Variants in IL15 observed in about 807,000 individuals in gnomAD.
IL15 encodes the protein interleukin 15.
IL15 carries 11 observed loss-of-function variants against 19.6 expected under a neutral mutation model. The ratio of observed to expected loss-of-function variants is 0.56; its 90% CI spans 0.35 to 0.93. The LOEUF (loss-of-function observed/expected upper bound fraction) is 0.93. Among genes scored for constraint, IL15 ranks in the 40% least tolerant of loss-of-function variants. IL15 has a pLI of 0.01. For missense variants in IL15, 197 were observed against 186.5 expected, an observed-to-expected ratio of 1.06 and a Z score of -0.33; for synonymous variants, 58 against 59.6, an observed-to-expected ratio of 0.97 and a Z score of 0.12.
intron 1 of IL15, among the ~76,000 whole-genome samples, chr4:141,653,616 G>T (rs1463088007): frequency 6.6e-6 from 1 of 151,716 alleles, no homozygotes; most frequent in Non-Finnish European, 1.5e-5. Context: ...ATACACCTTG[G>T]ATATATGTTC....
chr4:141,676,668 G>C (rs1361785419), intron 2 of IL15, among the ~76,000 whole-genome samples: 1 of 151,972 alleles, frequency 6.6e-6, no homozygotes, highest in Non-Finnish European at 1.5e-5. Flanking sequence ...TTAGCCCAAA[G>C]CAATAAATTC....
At chr4:141,700,539 C>T (rs1729250582) in intron 2 of IL15, among the ~76,000 whole-genome samples, 2 of 152,102 alleles carry the variant, frequency 1.3e-5, no homozygotes, top group African/African-American at 4.8e-5. Context: ...ATGCTTTTTT[C>T]TCACAGTTCT....
At chr4:141,653,922 T>C (rs1358519163) in intron 1 of IL15, among the ~76,000 whole-genome samples, 1 of 152,194 alleles carries the variant, frequency 6.6e-6, no homozygotes, top group East Asian at 1.9e-4. Flanking sequence ...CTCTGGGTAT[T>C]TGTTGATGTT....
intron 2 of IL15, among the ~76,000 whole-genome samples, chr4:141,708,484 A>G (rs1284861520): frequency 6.6e-6 from 1 of 152,184 alleles, no homozygotes; most frequent in Non-Finnish European, 1.5e-5. Flanking sequence ...GCAGCTGTAC[A>G]AACTTCTGGC....
intron 2 of IL15, among the ~76,000 whole-genome samples, chr4:141,672,707 G>A (rs965889729): frequency 3.9e-5 from 6 of 152,240 alleles, no homozygotes; most frequent in African/African-American, 4.8e-5. Context: ...CTTTAAATAC[G>A]TAAAAGCATT....
rs1033681805 is a variant in IL15, at chr4:141,732,641, C to T, written c.379-97C>T. Reference sequence around the variant, plus strand: ...CTAAAGCTTTCATATCTCAAGACCTCACCATATGGTTCAAACGATATGATA... The same window carrying T: ...CTAAAGCTTTCATATCTCAAGACCTTACCATATGGTTCAAACGATATGATA... On this transcript the variant is annotated intron_variant, in intron 7 of 7. Transcript: ENST00000320650. The T allele has an allele frequency of 1.6e-5, 23 of 1,483,416 alleles. No individual in the cohort carries two copies. The Admixed American group carries it at 2.1e-4, about 14-fold the overall frequency. The allele number at this position is 1,483,416 out of a possible 1,614,324, so 91.9% of individuals were successfully genotyped here.
intron 2 of IL15, among the ~76,000 whole-genome samples, chr4:141,692,877 A>AC (rs1325816348): frequency 6.6e-6 from 1 of 151,918 alleles, no homozygotes; most frequent in Non-Finnish European, 1.5e-5. Flanking sequence ...AGTCACTTCC[A>AC]CATTTTCAAA....
At chr4:141,728,953 T>A (rs1730360500) in intron 6 of IL15, among the ~76,000 whole-genome samples, 1 of 152,142 alleles carries the variant, frequency 6.6e-6, no homozygotes, top group South Asian at 2.1e-4. Context: ...AGATTTTAGA[T>A]TTTAGAAGTT....
chr4:141,729,834 CT>C lies in IL15; in HGVS notation c.241-9del. ...AGAAAAAAGTAATTGTTCTTTATAACTTTTATTTTTAGCCCAGTTGCAAAGT... is the reference window on the plus strand; with the variant it reads ...AGAAAAAAGTAATTGTTCTTTATAACTTTATTTTTAGCCCAGTTGCAAAGT... On this transcript the variant is annotated splice_polypyrimidine_tract_variant and intron_variant, in intron 6 of 7. Transcript: ENST00000320650. 1 of 1,459,056 alleles carries C rather than the reference CT, an allele frequency of 6.9e-7. No homozygotes were observed. Among genetic ancestry groups the C allele is most frequent in the South Asian group, 1.2e-5 (1 of 83,902 alleles). The allele number at this position is 1,459,056 out of a possible 1,614,324, so 90.4% of individuals were successfully genotyped here.
intron 2 of IL15, among the ~76,000 whole-genome samples, chr4:141,703,127 G>A (rs916786735): frequency 2.0e-5 from 3 of 152,164 alleles, no homozygotes; most frequent in Non-Finnish European, 4.4e-5. Flanking sequence ...ACCAGGTTTA[G>A]GTCCACATAA....
chr4:141,684,884 T>C (rs1218687844), intron 2 of IL15, among the ~76,000 whole-genome samples: 1 of 152,202 alleles, frequency 6.6e-6, no homozygotes, highest in East Asian at 1.9e-4. Flanking sequence ...CCAAGTAGTA[T>C]ACTGAGTTTG....
In IL15 at chr4:141,720,585, A is replaced by G. The variant is rs1471402256; in HGVS notation, c.110+19A>G. On this transcript the variant is annotated intron_variant, in intron 4 of 7. Transcript: ENST00000320650. Reference sequence around the variant, plus strand: ...TTTTGGGGTAATTTTATCTTTAGGCATAAATAACATTATGTTCATGGTCAT... The same window carrying G: ...TTTTGGGGTAATTTTATCTTTAGGCGTAAATAACATTATGTTCATGGTCAT... The G allele has an allele frequency of 6.1e-6, 7 of 1,148,396 alleles. No homozygotes were observed. Among genetic ancestry groups the G allele is most frequent in the Non-Finnish European group, 9.3e-6 (7 of 755,406 alleles). 71.1% of individuals were successfully genotyped at this position (1,148,396 alleles called of 1,614,324 possible). A position where few individuals can be genotyped will look rare whatever the true frequency, so the allele number is the denominator to read the frequency against.
intron 2 of IL15, chr4:141,704,663 T>G (rs185251505): frequency 3.3e-6 from 1 of 299,966 alleles, no homozygotes; most frequent in East Asian, 1.3e-4. Flanking sequence ...AGTGAAGCTT[T>G]CAGGTCCTGG....
chr4:141,679,230 C>T (rs912373553), intron 2 of IL15, among the ~76,000 whole-genome samples: 3 of 152,136 alleles, frequency 2.0e-5, no homozygotes, highest in Non-Finnish European at 2.9e-5. Flanking sequence ...TAAAAATAAG[C>T]AAGCCGTTCC....
At chr4:141,653,286 T>A (rs1157067964) in intron 1 of IL15, among the ~76,000 whole-genome samples, 1 of 152,222 alleles carries the variant, frequency 6.6e-6, no homozygotes, top group Non-Finnish European at 1.5e-5. Context: ...TAAGCAGCTT[T>A]ATGGAGAATG....
intron 1 of IL15, among the ~76,000 whole-genome samples, chr4:141,638,823 A>G (rs1418572618): frequency 1.3e-5 from 2 of 152,204 alleles, no homozygotes; most frequent in Non-Finnish European, 2.9e-5. Context: ...TCAGGAAAAT[A>G]TCCGTAACTT....
chr4:141,660,387 TG>T (rs1578996962), intron 2 of IL15, among the ~76,000 whole-genome samples: 1 of 152,190 alleles, frequency 6.6e-6, no homozygotes, highest in East Asian at 1.9e-4. Flanking sequence ...CAAGCTTGGG[TG>T]GCCTTGAGTC....
intron 5 of IL15, among the ~76,000 whole-genome samples, chr4:141,724,967 G>T (rs1046940515): frequency 6.6e-6 from 1 of 152,172 alleles, no homozygotes; most frequent in Non-Finnish European, 1.5e-5. Context: ...TTACTGTGAT[G>T]CTAAAACCAA....
chr4:141,721,223 T>C lies in IL15; in HGVS notation c.110+657T>C, dbSNP rs17007584. 7.8e-3 allele frequency: 6,127 copies of C among 788,938 alleles called. 252 individuals carry two copies. The African/African-American group carries it at 0.089, about 11-fold the overall frequency. 48.9% of individuals were successfully genotyped at this position (788,938 alleles called of 1,614,324 possible). On this transcript the variant is annotated intron_variant, in intron 4 of 7. Transcript: ENST00000320650. ...AGATTAGTGTTGACTATCATGCTTC[T>C]GTGTAAGATCCATCAGGAAGTGAGT...
Sources: gnomAD v4.1 joint callset for allele counts (sites outside exome capture counted in the v4.1 genomes callset) on GRCh38, gnomAD v4.1.1 for gene constraint, MANE v1.5 for transcripts, NCBI Gene and HGNC (gene_info 2026-07-23, HGNC 2026-07-21) for gene names.